Variants in ARHGAP6 observed in about 807,000 individuals in gnomAD.
ARHGAP6 encodes the protein Rho GTPase activating protein 6, also known as rho GTPase-activating protein 6.
Under a neutral mutation model 55.7 loss-of-function variants are expected in ARHGAP6, and 16 were observed. The ratio of observed to expected loss-of-function variants is 0.29; its 90% CI spans 0.19 to 0.44. ARHGAP6 has a LOEUF of 0.44. Ranked by LOEUF, ARHGAP6 falls within the 20% of genes least tolerant of loss-of-function variation. ARHGAP6 has a pLI of 1.00. For synonymous variants in ARHGAP6, 382 were observed against 360.9 expected (o/e 1.06, Z -0.66); for missense variants, 698 against 808.9 (o/e 0.86, Z 1.66).
intron 1 of ARHGAP6, among the ~76,000 whole-genome samples, chrX:11,354,828 C>A (rs777420943): frequency 2.7e-5 from 3 of 111,474 alleles, no homozygotes; most frequent in Non-Finnish European, 5.6e-5. Context: ...TTAACATCTT[C>A]ATCAGAAACT....
intron 2 of ARHGAP6, among the ~76,000 whole-genome samples, chrX:11,248,730 C>G (rs1287487427): frequency 8.9e-6 from 1 of 112,145 alleles, no homozygotes; most frequent in Non-Finnish European, 1.9e-5. Flanking sequence ...CCACCTTACT[C>G]CTGCAAGAAT....
intron 1 of ARHGAP6, among the ~76,000 whole-genome samples, chrX:11,297,371 A>G (rs1055104386): frequency 8.9e-6 from 1 of 111,961 alleles, no homozygotes; most frequent in Non-Finnish European, 1.9e-5. Context: ...GATTTTGGGC[A>G]AATCATTTCC....
intron 2 of ARHGAP6, among the ~76,000 whole-genome samples, chrX:11,230,743 T>C (rs1412803697): frequency 2.7e-5 from 3 of 110,416 alleles, no homozygotes; most frequent in African/African-American, 9.9e-5. Context: ...TATACGTATA[T>C]GTGAATATAT....
chrX:11,277,694 G>T (rs1603006156), intron 1 of ARHGAP6, among the ~76,000 whole-genome samples: 1 of 93,977 alleles, frequency 1.1e-5, no homozygotes, highest in African/African-American at 4.0e-5. Context: ...GAGGTTTCTA[G>T]TATTCTTTTT....
intron 1 of ARHGAP6, among the ~76,000 whole-genome samples, chrX:11,394,624 C>G (rs2049454108): frequency 8.9e-6 from 1 of 111,734 alleles, no homozygotes; most frequent in South Asian, 3.7e-4. Flanking sequence ...CTTATACATT[C>G]AAAATAAGTG....
chrX:11,336,149 T>A (rs2048635378), intron 1 of ARHGAP6, among the ~76,000 whole-genome samples: 1 of 112,189 alleles, frequency 8.9e-6, no homozygotes, highest in Admixed American at 9.4e-5. Context: ...TAATTATTTT[T>A]AAAATATTTT....
At chrX:11,590,775 C>CAAAAAGAAAA (rs1216907403) in intron 1 of ARHGAP6, among the ~76,000 whole-genome samples, 1 of 10,738 alleles carries the variant, frequency 9.3e-5, no homozygotes, top group Non-Finnish European at 1.7e-4. Flanking sequence ...GACTCCATCT[C>CAAAAAGAAAA]GAAAAGAAAA....
At chrX:11,141,843 A>G (rs745833263) in intron 12 of ARHGAP6, among the ~76,000 whole-genome samples, 1 of 112,633 alleles carries the variant, frequency 8.9e-6, no homozygotes, top group Non-Finnish European at 1.9e-5. Context: ...TACATAAAAG[A>G]GGCTCCTGAA....
chrX:11,417,935 G>A (rs905037096), intron 1 of ARHGAP6, among the ~76,000 whole-genome samples: 5 of 112,100 alleles, frequency 4.5e-5, no homozygotes, highest in African/African-American at 1.3e-4. Flanking sequence ...GATAATATAT[G>A]TAGAATAAGC....
At chrX:11,247,031 C>G (rs763469214) in intron 2 of ARHGAP6, among the ~76,000 whole-genome samples, 41 of 112,039 alleles carry the variant, frequency 3.7e-4, no homozygotes, top group Admixed American at 1.0e-3. Context: ...AAACTGAAGA[C>G]AGCTGCAGTG....
At chrX:11,395,812 C>T (rs1296040487) in intron 1 of ARHGAP6, among the ~76,000 whole-genome samples, 3 of 112,192 alleles carry the variant, frequency 2.7e-5, no homozygotes, top group Non-Finnish European at 3.8e-5. Flanking sequence ...AAATTGACTA[C>T]ATAACTATTT....
rs1166256608 is a variant in ARHGAP6 at position 11,301,245 on chromosome X, T to C, written c.589-46538A>G. 2.7e-5 allele frequency among the ~76,000 whole-genome samples: 3 copies of C among 112,220 alleles called. No homozygotes were observed. The Admixed American group carries it at 2.8e-4, about 11-fold the overall frequency. ...TAATAATGTACTGAATTTAAAGTTATTCAAGTAATTTGTTTTCCTCAAAAA... is the reference window on the plus strand; with the variant it reads ...TAATAATGTACTGAATTTAAAGTTACTCAAGTAATTTGTTTTCCTCAAAAA... On this transcript the variant is annotated intron_variant, in intron 1 of 12. Coordinates refer to ENST00000337414, the MANE Select transcript of ARHGAP6 (RefSeq NM_013427.3).
rs752686640 is a variant in ARHGAP6, at chrX:11,529,248, T to C, written c.588+134993A>G. 6.7e-4 allele frequency among the ~76,000 whole-genome samples: 75 copies of C among 112,257 alleles called. 1 individual carries two copies. The Middle Eastern group carries it at 0.023, about 35-fold the overall frequency. On this transcript the variant is annotated intron_variant, in intron 1 of 12. Coordinates refer to ENST00000337414, the MANE Select transcript of ARHGAP6 (RefSeq NM_013427.3). ...TAAATTCTCAGTGTTCCCTATAGTT[T>C]AGGCTTTGTGGGACTAAAGGCAGTG...
chrX:11,426,568 C>T (rs1347140691), intron 1 of ARHGAP6, among the ~76,000 whole-genome samples: 1 of 110,903 alleles, frequency 9.0e-6, no homozygotes, highest in African/African-American at 3.3e-5. Flanking sequence ...GACAGAACAA[C>T]TGCAGTGTCT....
chrX:11,625,839 G>C (rs1051818580), intron 1 of ARHGAP6, among the ~76,000 whole-genome samples: 1 of 111,158 alleles, frequency 9.0e-6, no homozygotes, highest in Admixed American at 9.6e-5. Flanking sequence ...AATGAAAAAT[G>C]AAAAAAATTA....
At chrX:11,342,406 G>C (rs1366946223) in intron 1 of ARHGAP6, among the ~76,000 whole-genome samples, 1 of 111,820 alleles carries the variant, frequency 8.9e-6, no homozygotes, top group African/African-American at 3.3e-5. Context: ...CACATTGGAC[G>C]CTATAGTCTG....
At chrX:11,218,173 T>A (rs1714463122) in intron 2 of ARHGAP6, among the ~76,000 whole-genome samples, 1 of 111,884 alleles carries the variant, frequency 8.9e-6, no homozygotes, top group South Asian at 3.7e-4. Flanking sequence ...TCTTTTTGCT[T>A]AGGATTATCT....
rs1391726374 is a variant in ARHGAP6 at position 11,664,670 on chromosome X, C to G, written c.159G>C (p.Ala53=). ...CCGTGGCTCCCCGCGCACTGCCCTC[C>G]GCGCCCGCCTCGTCGCTCCCGCAGC... ...IGGCGSDEAG[A]EGSARGATAG... Residue 53 remains alanine, a synonymous_variant, in exon 1 of 13, where the codon GCG becomes GCC. Coordinates refer to ENST00000337414, the MANE Select transcript of ARHGAP6 (RefSeq NM_013427.3). 11 of 1,163,099 alleles carry G rather than the reference C, an allele frequency of 9.5e-6. No homozygotes were observed. The Admixed American group carries it at 2.6e-4, about 27-fold the overall frequency.
At chrX:11,588,303 C>G (rs1466142417) in intron 1 of ARHGAP6, among the ~76,000 whole-genome samples, 1 of 112,327 alleles carries the variant, frequency 8.9e-6, no homozygotes, top group East Asian at 2.8e-4. Context: ...GATAATCACC[C>G]TCCATGATTG....
Sources: allele counts gnomAD v4.1 joint callset (sites outside exome capture counted in the v4.1 genomes callset), GRCh38; gene constraint gnomAD v4.1.1; transcripts MANE v1.5; gene names NCBI Gene and HGNC (gene_info 2026-07-23, HGNC 2026-07-21).